Variants in HELLS observed in about 807,000 individuals in gnomAD.
HELLS encodes the protein lymphoid-specific helicase.
A neutral mutation model predicts 120.0 loss-of-function variants in HELLS; 32 were observed. The ratio of observed to expected loss-of-function variants is 0.27; its 90% confidence interval spans 0.20 to 0.36. The LOEUF (loss-of-function observed/expected upper bound fraction) is 0.36, where lower values mean the gene tolerates loss of function less well. HELLS is among the 10% of genes least tolerant of loss of function. The pLI, the probability that HELLS is intolerant of heterozygous loss-of-function variation, is 1.00. For synonymous variants in HELLS, 341 were observed against 323.4 expected, an observed-to-expected ratio of 1.05 and a Z score of -0.58; for missense variants, 650 against 993.4, an observed-to-expected ratio of 0.65 and a Z score of 4.65.
chr10:94,576,518 T>C, intron 9 of HELLS, 144 bp from the exon 10 acceptor site: 1 of 477,126 alleles, frequency 2.1e-6, no homozygotes, highest in Non-Finnish European at 3.6e-6. Flanking sequence ...TTGTTAGAAT[T>C]GCTTGGCTTA....
chr10:94,572,254 C>T (rs1314978217), intron 7 of HELLS, among the ~76,000 whole-genome samples: 1 of 144,854 alleles, frequency 6.9e-6, no homozygotes, highest in East Asian at 2.3e-4. Flanking sequence ...GGGATTTTGG[C>T]TTCATTTTAT....
intron 3 of HELLS, 27 bp from the exon 4 acceptor site, chr10:94,558,112 G>C: frequency 6.5e-7 from 1 of 1,548,882 alleles, no homozygotes. Context: ...CTTTCCACTT[G>C]TGACATAAGA....
chr10:94,573,228 G>A (rs889290473), intron 7 of HELLS, among the ~76,000 whole-genome samples: 3 of 152,184 alleles, frequency 2.0e-5, no homozygotes, highest in African/African-American at 7.2e-5. Flanking sequence ...AAAATGCTGG[G>A]ATTACAGGCG....
At chr10:94,601,388 AAG>A in intron 21 of HELLS, 138 bp from the exon 22 acceptor site, 1 of 551,128 alleles carries the variant, frequency 1.8e-6, no homozygotes, top group East Asian at 3.4e-5. Flanking sequence ...GTGATTAAGG[AAG>A]AGAGTGCCCT....
chr10:94,591,852 A>G (rs1845504610), intron 15 of HELLS, among the ~76,000 whole-genome samples: 1 of 152,156 alleles, frequency 6.6e-6, no homozygotes, highest in Non-Finnish European at 1.5e-5. Flanking sequence ...ATTTTCTCTT[A>G]ATTTCTGGTA....
At chr10:94,602,238 G>A (rs1046898636), downstream of HELLS, 1 of 152,188 alleles carries the variant, frequency 6.6e-6, no homozygotes, top group Non-Finnish European at 1.5e-5. Flanking sequence ...GATTTCAAGT[G>A]GACATTGTGT....
chr10:94,546,133 GC>G (rs1223090282), intron 1 of HELLS, among the ~76,000 whole-genome samples, 181 bp downstream of exon 1: 1 of 152,158 alleles, frequency 6.6e-6, no homozygotes, highest in Non-Finnish European at 1.5e-5. Flanking sequence ...GTATTAGCAT[GC>G]CGGTGAAGAT....
chr10:94,599,101 T>C (rs374645227), intron 21 of HELLS, among the ~76,000 whole-genome samples: 4 of 152,336 alleles, frequency 2.6e-5, no homozygotes, highest in African/African-American at 9.6e-5. Flanking sequence ...TTGTTCTTTT[T>C]CAAAATTGTT....
intron 19 of HELLS, 107 bp from the exon 20 acceptor site, chr10:94,596,753 T>C: frequency 1.8e-6 from 1 of 562,228 alleles, no homozygotes; most frequent in Non-Finnish European, 3.1e-6. Flanking sequence ...TTATCAACAC[T>C]TTTTTTTGCC....
chr10:94,583,568 A>G (rs1002624748), intron 12 of HELLS, among the ~76,000 whole-genome samples: 3 of 152,122 alleles, frequency 2.0e-5, no homozygotes, highest in Non-Finnish European at 2.9e-5. Context: ...AAGTTTATAC[A>G]TGTTCATGAG....
intron 6 of HELLS, chr10:94,570,250 C>T (rs546939966): frequency 4.7e-4 from 71 of 151,938 alleles, no homozygotes; most frequent in African/African-American, 1.3e-3. Flanking sequence ...CCATGTTGCC[C>T]ATGCTTGATT....
chr10:94,548,973 G>A (rs1842861264), intron 2 of HELLS, among the ~76,000 whole-genome samples: 1 of 152,020 alleles, frequency 6.6e-6, no homozygotes, highest in African/African-American at 2.4e-5. Flanking sequence ...CAGCCTGGGT[G>A]ACAGAGCAAG....
chr10:94,597,193 A>C (rs1845781077), intron 21 of HELLS, 82 bp downstream of exon 21: 3 of 738,024 alleles, frequency 4.1e-6, no homozygotes, highest in Admixed American at 2.5e-5. Context: ...TGTGCAATTC[A>C]TTCAGCCACA....
At chr10:94,605,724 C>T (rs141429745), downstream of HELLS, among the ~76,000 whole-genome samples, 141 of 151,156 alleles carry the variant, frequency 9.3e-4, no homozygotes, top group African/African-American at 2.5e-3. Context: ...CTTGACCTCC[C>T]GGGCTCAAGT....
At chr10:94,608,624 G>A (rs1244616516) in intron 9 of HELLS, among the ~76,000 whole-genome samples, 1 of 147,334 alleles carries the variant, frequency 6.8e-6, no homozygotes, top group South Asian at 2.3e-4. Flanking sequence ...ACACAGATAT[G>A]GCAGTTTTTT....
intron 17 of HELLS, among the ~76,000 whole-genome samples, 162 bp from the exon 18 acceptor site, chr10:94,593,337 A>G (rs1845583573): frequency 6.6e-6 from 1 of 152,248 alleles, no homozygotes; most frequent in Non-Finnish European, 1.5e-5. Flanking sequence ...GATAAAGCTA[A>G]CAGCACAGGT....
chr10:94,565,161 AC>A (rs1257939743), intron 6 of HELLS, among the ~76,000 whole-genome samples: 4 of 151,436 alleles, frequency 2.6e-5, no homozygotes, highest in Non-Finnish European at 4.4e-5. Flanking sequence ...ACATGGTGAA[AC>A]CCCGTCTCTA....
chr10:94,546,262 G>C, intron 1 of HELLS, 115 bp from the exon 2 acceptor site: 2 of 1,252,036 alleles, frequency 1.6e-6, no homozygotes, highest in Non-Finnish European at 2.3e-6. Flanking sequence ...GCGTCCCCTC[G>C]GTCTTCAGCT....
chr10:94,555,177 C>T (rs1424731184), intron 3 of HELLS, among the ~76,000 whole-genome samples: 8 of 152,146 alleles, frequency 5.3e-5, no homozygotes, highest in Admixed American at 4.6e-4. Flanking sequence ...TGGCTCACGC[C>T]TGTAATCCCA....
Sources: gnomAD v4.1 joint callset for allele counts (sites outside exome capture counted in the v4.1 genomes callset) on GRCh38, gnomAD v4.1.1 for gene constraint, MANE v1.5 for transcripts, NCBI Gene and HGNC (gene_info 2026-07-23, HGNC 2026-07-21) for gene names.